Variants in C2orf81 observed in about 807,000 individuals in gnomAD.
The protein encoded by C2orf81 is uncharacterized protein C2orf81.
In C2orf81, 5 loss-of-function variants were observed where a neutral mutation model predicts 7.9. That is an observed-to-expected ratio of 0.63 (90% CI 0.33 to 1.33). The LOEUF is 1.33. Ranked by LOEUF, C2orf81 falls within the 40% of genes most tolerant of loss-of-function variation. The pLI is 0.05. For missense variants in C2orf81, 781 were observed against 830.4 expected (o/e 0.94, Z 0.73); for synonymous variants, 346 against 367.4 (o/e 0.94, Z 0.66).
intron 1 of C2orf81, among the ~76,000 whole-genome samples, chr2:74,419,895 C>T (rs551844748): frequency 1.8e-4 from 28 of 152,300 alleles, no homozygotes; most frequent in Admixed American, 9.8e-4. Context: ...CCTCAGCCTC[C>T]GGAGTAGCTG....
chr2:74,415,142 G>C lies in C2orf81; in HGVS notation c.1035C>G (p.Ser345=). The change falls in exon 3 of 3, where the codon TCC becomes TCG. Residue 345 remains serine, a synonymous_variant. Transcript: ENST00000684111. The surrounding 1 kb of genome is among the most constrained non-coding windows in gnomAD (Gnocchi z 5.5). ...CGGCCCGCTGCTGCTGGCAGGACGCGGAGGGGCGGGTGGCGCCGCCCACAG... is the reference window on the plus strand; with the variant it reads ...CGGCCCGCTGCTGCTGGCAGGACGCCGAGGGGCGGGTGGCGCCGCCCACAG... The part of the protein sequence containing the change: ...YPSVGGATRP[S]ASCQQQRAGH... 1 of 1,538,840 alleles carries C rather than the reference G, an allele frequency of 6.5e-7. No homozygotes were observed. The highest frequency in any genetic ancestry group is 1.4e-5 in the African/African-American group (1 of 72,416).
At chr2:74,418,442 T>C in intron 1 of C2orf81, 1 of 1,534,992 alleles carries the variant, frequency 6.5e-7, no homozygotes, top group Non-Finnish European at 9.0e-7. Flanking sequence ...GACTCGCTCA[T>C]CTTCCCTTCT....
intron 1 of C2orf81, chr2:74,418,443 C>A (rs756139523): frequency 1.1e-5 from 17 of 1,536,062 alleles, no homozygotes; most frequent in Non-Finnish European, 1.5e-5. Flanking sequence ...ACTCGCTCAT[C>A]TTCCCTTCTC....
intron 1 of C2orf81, among the ~76,000 whole-genome samples, chr2:74,421,227 T>G (rs1290213050): frequency 1.3e-5 from 2 of 152,238 alleles, no homozygotes; most frequent in Non-Finnish European, 2.9e-5. Context: ...CTCATCCATT[T>G]AAATACGCAC....
intron 1 of C2orf81, chr2:74,416,527 A>G (rs1262677795): frequency 1.1e-5 from 2 of 187,338 alleles, no homozygotes; most frequent in African/African-American, 5.3e-5. Context: ...AGACTGCGCC[A>G]CTGCACCCCA....
intron 1 of C2orf81, chr2:74,418,173 C>T: frequency 8.7e-7 from 1 of 1,144,680 alleles, no homozygotes; most frequent in Admixed American, 2.0e-5. Flanking sequence ...CCTCCTTCTC[C>T]AGTTTTTTGG....
Position 74,415,186 on chromosome 2 carries a change from C to T in C2orf81, c.991G>A (p.Val331Met), listed in dbSNP as rs1676414891. ...CCCACAGAGGGGTAGGACACCAACA[C>T]GCCCGAGGCGATGCAGGGCACCCCC... The part of the protein sequence containing the change: ...SEGVPCIASG[V>M]LVSYPSVGGA... Residue 331 changes from valine to methionine, a missense_variant, in exon 3 of 3, where the codon GTG (valine) becomes ATG (methionine). Coordinates refer to ENST00000684111, the MANE Select transcript of C2orf81 (RefSeq NM_001316764.3). This position sits in a 1 kb window ranked among gnomAD's most constrained non-coding sequence, Gnocchi z 5.5. 1 of 1,547,302 alleles carries T rather than the reference C, an allele frequency of 6.5e-7. No individual in the cohort carries two copies. Among genetic ancestry groups the T allele is most frequent in the South Asian group, 1.2e-5 (1 of 83,582 alleles).
At chr2:74,416,831 T>A (rs74977283) in intron 1 of C2orf81, among the ~76,000 whole-genome samples, 1 of 132,968 alleles carries the variant, frequency 7.5e-6, no homozygotes, top group Admixed American at 7.2e-5. Context: ...CAGAAAAGGA[T>A]TTTTTTTTTT....
rs886825695 is a variant in C2orf81 at position 74,414,791 on chromosome 2, C to T, written c.1386G>A (p.Ser462=). 6.4e-7 allele frequency: 1 copy of T among 1,551,470 alleles called. No individual in the cohort carries two copies. The highest frequency in any genetic ancestry group is 8.7e-7 in the Non-Finnish European group (1 of 1,146,890). Residue 462 remains serine, a synonymous_variant, in exon 3 of 3, where the codon TCG becomes TCA. Transcript: ENST00000684111. The surrounding 1 kb of genome is among the most constrained non-coding windows in gnomAD (Gnocchi z 5.3). The part of the protein sequence containing the change: ...LLFPTLNLGL[S]SPSLESKLPL... ...GCAGCTTTGACTCGAGGGATGGCGA[C>T]GATAGGCCTAAATTTAAAGTGGGGA...
At chr2:74,416,268 A>T (rs777444064) in intron 1 of C2orf81, 27 bp from the exon 2 acceptor site, 28 of 1,310,086 alleles carry the variant, frequency 2.1e-5, no homozygotes, top group Non-Finnish European at 2.8e-5. Context: ...TGGCAATCAG[A>T]GCAGGAAACC....
rs1237734119 is a variant in C2orf81, at chr2:74,415,837, C to T, written c.340G>A (p.Val114Ile). The T allele has an allele frequency of 6.4e-7, 1 of 1,551,530 alleles. No homozygotes were observed. The highest frequency in any genetic ancestry group is 1.4e-5 in the African/African-American group (1 of 73,064). Residue 114 changes from valine to isoleucine, a missense_variant, in exon 3 of 3, where the codon GTA (valine) becomes ATA (isoleucine). Transcript: ENST00000684111. This position sits in a 1 kb window ranked among gnomAD's most constrained non-coding sequence, Gnocchi z 5.5. ...FLARDEGESA[V>I]AEDPTWGEDE... is the part of the protein sequence containing the mutation. ...TCACCCCATGTGGGGTCCTCAGCTA[C>T]TGCAGATTCTCCCTCGTCCCGGGCC...
Position 74,415,288 on chromosome 2 carries a change from G to C in C2orf81, c.889C>G (p.His297Asp). Residue 297 changes from histidine (H) to aspartate (D), a missense_variant, in exon 3 of 3, where the codon CAT (histidine) becomes GAT (aspartate). Transcript: ENST00000684111. This position sits in a 1 kb window ranked among gnomAD's most constrained non-coding sequence, Gnocchi z 5.5. Reference sequence around the variant, plus strand: ...CAGTAGAGGTCTTCCAACGACAAATGGAAGCCGAGGGGGTGTCCCCTCCCA... The same window carrying C: ...CAGTAGAGGTCTTCCAACGACAAATCGAAGCCGAGGGGGTGTCCCCTCCCA... ...STGRGHPLGF[H>D]LSLEDLYCCM... The C allele has an allele frequency of 1.3e-6, 2 of 1,551,314 alleles. No individual in the cohort carries two copies. Among genetic ancestry groups the C allele is most frequent in the Non-Finnish European group, 1.7e-6 (2 of 1,146,870 alleles).
At chr2:74,417,974 G>C in intron 1 of C2orf81, 1 of 469,220 alleles carries the variant, frequency 2.1e-6, no homozygotes, top group Non-Finnish European at 4.1e-6. Context: ...TGCAGCGGCT[G>C]GTGTGTTGTG....
At chr2:74,418,431 C>T (rs543165750) in intron 1 of C2orf81, 7 of 1,564,916 alleles carry the variant, frequency 4.5e-6, no homozygotes, top group African/African-American at 2.7e-5. Flanking sequence ...ACTTCGAGCT[C>T]GACTCGCTCA....
In C2orf81 at chr2:74,417,367, G is replaced by T. The variant is rs1426945003; in HGVS notation, c.19-1126C>A. 3 of 1,307,958 alleles carry T rather than the reference G, an allele frequency of 2.3e-6. No individual in the cohort carries two copies. The South Asian group carries it at 3.7e-5, about 16-fold the overall frequency. The allele number at this position is 1,307,958 out of a possible 1,614,324, so 81.0% of individuals were successfully genotyped here. Reference sequence around the variant, plus strand: ...GCCCACCTCAGGTAGCTGCCACAGGGCTCATGGGCCTCACCTGGACAATAG... The same window carrying T: ...GCCCACCTCAGGTAGCTGCCACAGGTCTCATGGGCCTCACCTGGACAATAG... On this transcript the variant is annotated intron_variant, in intron 1 of 2. Transcript: ENST00000684111.
chr2:74,417,812 A>C, intron 1 of C2orf81: 1 of 521,614 alleles, frequency 1.9e-6, no homozygotes, highest in African/African-American at 1.9e-5. Context: ...CCACCAAGGG[A>C]TCAGGGACGC....
chr2:74,418,935 C>G (rs1187129274), intron 1 of C2orf81, among the ~76,000 whole-genome samples: 2 of 151,420 alleles, frequency 1.3e-5, no homozygotes, highest in Non-Finnish European at 2.9e-5. Context: ...AATCCCAGCA[C>G]TTTGGGAGGC....
In C2orf81 at chr2:74,414,368, C is replaced by G. The variant is rs2103823920; in HGVS notation, c.1809G>C (p.Glu603Asp). Residue 603 changes from glutamate to aspartate, a missense_variant, in exon 3 of 3, where the codon GAG becomes GAC. Physicochemically the swap from Glu to Asp is conservative, Grantham distance 45. Coordinates refer to ENST00000684111, the MANE Select transcript of C2orf81 (RefSeq NM_001316764.3). This position sits in a 1 kb window ranked among gnomAD's most constrained non-coding sequence, Gnocchi z 5.3. ...GGGCACCTGTCTGGATGGGATGTTGCTCAACGGGAGGAAAGGTGCTACCTT... is the reference window on the plus strand; with the variant it reads ...GGGCACCTGTCTGGATGGGATGTTGGTCAACGGGAGGAAAGGTGCTACCTT... ...DKEGSTFPPVEQHPIQTGAPK... is the reference protein window; with the variant it reads ...DKEGSTFPPVDQHPIQTGAPK... The G allele has an allele frequency of 2.6e-6, 4 of 1,513,804 alleles. No individual in the cohort carries two copies. The South Asian group carries it at 5.1e-5, about 19-fold the overall frequency. 93.8% of individuals were successfully genotyped at this position (1,513,804 alleles called of 1,614,324 possible). A position where few individuals can be genotyped will look rare whatever the true frequency, so the allele number is the denominator to read the frequency against.
At chr2:74,418,210 G>A in intron 1 of C2orf81, 1 of 1,519,246 alleles carries the variant, frequency 6.6e-7, no homozygotes, top group Non-Finnish European at 9.0e-7. Context: ...CCTTCCCAGA[G>A]TTGTGGTGGT....
Sources: gnomAD v4.1 joint callset for allele counts (sites outside exome capture counted in the v4.1 genomes callset) on GRCh38, gnomAD v4.1.1 for gene constraint, Gnocchi (gnomAD v3.1) non-coding constraint, MANE v1.5 for transcripts, NCBI Gene and HGNC (gene_info 2026-07-23, HGNC 2026-07-21) for gene names.